Variants in PSPC1 observed in about 807,000 individuals in gnomAD.
PSPC1 encodes paraspeckle component 1.
Under a neutral mutation model 51.6 loss-of-function variants are expected in PSPC1, and 14 were observed. That is an observed-to-expected ratio of 0.27 (90% confidence interval 0.18 to 0.42). The LOEUF is 0.42. Among genes scored for constraint, PSPC1 ranks in the 10% least tolerant of loss-of-function variants. The pLI is 1.00. For synonymous variants in PSPC1, 193 were observed against 231.9 expected (o/e 0.83, Z 1.53); for missense variants, 406 against 701.1 (o/e 0.58, Z 4.75).
chr13:19,712,339 C>T (rs1305442908), intron 6 of PSPC1, among the ~76,000 whole-genome samples: 1 of 152,160 alleles, frequency 6.6e-6, no homozygotes, highest in African/African-American at 2.4e-5. Context: ...CTTATATACC[C>T]TAATACCTTA....
chr13:19,720,925 T>A (rs1451518784), intron 6 of PSPC1, among the ~76,000 whole-genome samples: 1 of 152,156 alleles, frequency 6.6e-6, no homozygotes, highest in Non-Finnish European at 1.5e-5. Flanking sequence ...CTTTGAAAGT[T>A]TATAATTATA....
intron 6 of PSPC1, among the ~76,000 whole-genome samples, chr13:19,716,664 T>C (rs1309155434): frequency 1.3e-5 from 2 of 152,162 alleles, no homozygotes; most frequent in African/African-American, 4.8e-5. Flanking sequence ...CTAAAAAATA[T>C]ATAATTCTAG....
chr13:19,699,210 T>A (rs1045274843), downstream of PSPC1, among the ~76,000 whole-genome samples: 1 of 151,956 alleles, frequency 6.6e-6, no homozygotes, highest in Non-Finnish European at 1.5e-5. Context: ...TTAAAATTTT[T>A]TTATTTTTTG....
intron 1 of PSPC1, among the ~76,000 whole-genome samples, chr13:19,776,183 A>G (rs1364366659): frequency 6.6e-6 from 1 of 152,148 alleles, no homozygotes; most frequent in African/African-American, 2.4e-5. Flanking sequence ...ACCAGTGGCT[A>G]GGCATGGTGG....
rs1890059275 is a variant in PSPC1, at chr13:19,782,280, G to A, written c.372+106C>T. On this transcript the variant is annotated intron_variant, in intron 1 of 8. Transcript: ENST00000338910. This position sits in a 1 kb window ranked among gnomAD's most constrained non-coding sequence, Gnocchi z 4.5. ...GATGAGGCCGAGCGGCGCCACGGTT[G>A]CCACAGGTTGAGACAGCGTCCTAGG... The A allele has an allele frequency of 9.9e-6, 14 of 1,419,938 alleles. No individual in the cohort carries two copies. Among genetic ancestry groups the A allele is most frequent in the Non-Finnish European group, 1.2e-5 (13 of 1,086,646 alleles). The allele number at this position is 1,419,938 out of a possible 1,614,324, so 88.0% of individuals were successfully genotyped here.
At chr13:19,716,546 T>G (rs982683472) in intron 6 of PSPC1, among the ~76,000 whole-genome samples, 3 of 152,194 alleles carry the variant, frequency 2.0e-5, no homozygotes, top group Non-Finnish European at 4.4e-5. Flanking sequence ...ACCTCTCATG[T>G]TTATCTCAAA....
intron 2 of PSPC1, among the ~76,000 whole-genome samples, chr13:19,765,469 A>C (rs901221326): frequency 5.3e-5 from 8 of 149,806 alleles, no homozygotes; most frequent in Non-Finnish European, 1.2e-4. Flanking sequence ...CAATAGATCC[A>C]TGTGGTAATT....
chr13:19,768,035 T>G (rs937803529), intron 2 of PSPC1, among the ~76,000 whole-genome samples: 1 of 151,778 alleles, frequency 6.6e-6, no homozygotes, highest in African/African-American at 2.4e-5. Context: ...CTGGGTGACA[T>G]AGCAAGACCT....
intron 2 of PSPC1, among the ~76,000 whole-genome samples, chr13:19,766,989 A>G (rs1428301139): frequency 6.6e-6 from 1 of 151,818 alleles, no homozygotes; most frequent in Non-Finnish European, 1.5e-5. Flanking sequence ...GCCTGGACAA[A>G]ATGACAAAAT....
Position 19,782,247 on chromosome 13 carries a change from G to C in PSPC1, c.372+139C>G. Reference sequence around the variant, plus strand: ...CTGGGGAAGCGGCCAACCCCGCACAGAGGAATCGATGAGGCCGAGCGGCGC... The same window carrying C: ...CTGGGGAAGCGGCCAACCCCGCACACAGGAATCGATGAGGCCGAGCGGCGC... On this transcript the variant is annotated intron_variant, in intron 1 of 8. Transcript: ENST00000338910. The surrounding 1 kb of genome is among the most constrained non-coding windows in gnomAD (Gnocchi z 4.5). The C allele has an allele frequency of 2.3e-6, 3 of 1,331,408 alleles. No individual in the cohort carries two copies. The highest frequency in any genetic ancestry group is 3.0e-6 in the Non-Finnish European group (3 of 1,011,672). The allele number at this position is 1,331,408 out of a possible 1,614,324, so 82.5% of individuals were successfully genotyped here. A position where few individuals can be genotyped will look rare whatever the true frequency, so the allele number is the denominator to read the frequency against.
chr13:19,779,667 C>T (rs1889668434), intron 1 of PSPC1, among the ~76,000 whole-genome samples: 3 of 82,852 alleles, frequency 3.6e-5, no homozygotes, highest in South Asian at 6.0e-4. Flanking sequence ...CCAGCCGCCC[C>T]GTCCGGGAGG....
rs67371116 is a variant in PSPC1, at chr13:19,754,453, CTT to C, written c.771-2988_771-2987del. ...ATAAAAGTGGGAATATAACTAACTCCTTTTTTTTTTTTTTTTTGAGACAGTCT... is the reference window on the plus strand; with the variant it reads ...ATAAAAGTGGGAATATAACTAACTCCTTTTTTTTTTTTTTTGAGACAGTCT... On this transcript the variant is annotated intron_variant, in intron 3 of 8. Transcript: ENST00000338910. 5.7e-3 allele frequency among the ~76,000 whole-genome samples: 704 copies of C among 122,498 alleles called. 7 individuals are homozygous for C. Among genetic ancestry groups the C allele is most frequent in the East Asian group, 0.043 (171 of 4,004 alleles). 80.4% of individuals were successfully genotyped at this position (122,498 alleles called of 152,430 possible).
At chr13:19,732,966 C>T (rs747776167) in intron 5 of PSPC1, among the ~76,000 whole-genome samples, 16 of 150,456 alleles carry the variant, frequency 1.1e-4, no homozygotes, top group Admixed American at 4.6e-4. Flanking sequence ...AAAACACCAA[C>T]TTTTTAGTCT....
At chr13:19,780,019 G>GC (rs1889749264) in intron 1 of PSPC1, among the ~76,000 whole-genome samples, 2 of 138,100 alleles carry the variant, frequency 1.4e-5, no homozygotes, top group Admixed American at 7.1e-5. Flanking sequence ...GGGGGGGTCA[G>GC]CCCCCCTGCC....
At chr13:19,677,915 A>G (rs905537240) in intron 6 of PSPC1, 10 of 444,842 alleles carry the variant, frequency 2.2e-5, no homozygotes, top group African/African-American at 8.1e-5. Flanking sequence ...TAGTAAATTC[A>G]TAACAGTAAT....
At chr13:19,758,982 A>C (rs1480022125) in intron 3 of PSPC1, among the ~76,000 whole-genome samples, 1 of 151,744 alleles carries the variant, frequency 6.6e-6, no homozygotes, top group Non-Finnish European at 1.5e-5. Context: ...TGTTTTACCC[A>C]TATAAAAAAA....
chr13:19,713,649 A>G (rs766191975), intron 6 of PSPC1, among the ~76,000 whole-genome samples: 1 of 151,892 alleles, frequency 6.6e-6, no homozygotes, highest in Admixed American at 6.6e-5. Context: ...CTTTCCATGG[A>G]AAGAATTATA....
rs566684719 is a variant in PSPC1, at chr13:19,732,656, G to A, written c.1053-2312C>T. On this transcript the variant is annotated intron_variant, in intron 5 of 8. Transcript: ENST00000338910. ...CATAGAAAAACTTTTGGCAGGGCGCGGTGGCTCACGCCTGTAATCCCACAC... is the reference window on the plus strand; with the variant it reads ...CATAGAAAAACTTTTGGCAGGGCGCAGTGGCTCACGCCTGTAATCCCACAC... 5.3e-5 allele frequency among the ~76,000 whole-genome samples: 8 copies of A among 152,078 alleles called. No individual in the cohort carries two copies. In the South Asian group the frequency reaches 6.2e-4, roughly 12 times the overall value.
chr13:19,782,414 C>T lies in PSPC1; in HGVS notation c.344G>A (p.Arg115Gln). Residue 115 changes from arginine (R) to glutamine (Q), a missense_variant, in exon 1 of 9, where the codon CGG becomes CAG. Physicochemically the swap from Arg to Gln is conservative, Grantham distance 43 (BLOSUM62 1). Around this residue, in one of 5 missense-constraint regions of PSPC1, gnomAD observed 180 missense variants for 337.9 expected, o/e 0.53. Transcript: ENST00000338910. The surrounding 1 kb of genome is among the most constrained non-coding windows in gnomAD (Gnocchi z 4.5). The stretch of plus-strand genomic sequence containing the variant: ...GCGGATGAAGCCGAAGCCACGGTCC[C>T]GGTTGATGAAGACTTCGCTGGGCTC... The part of the protein sequence containing the change: ...YGEPSEVFIN[R>Q]DRGFGFIRLE... The T allele has an allele frequency of 6.2e-7, 1 of 1,602,162 alleles. No individual in the cohort carries two copies. The highest frequency in any genetic ancestry group is 8.5e-7 in the Non-Finnish European group (1 of 1,174,044).
Sources: allele counts gnomAD v4.1 joint callset (sites outside exome capture counted in the v4.1 genomes callset), GRCh38; gene constraint gnomAD v4.1.1; regional missense constraint gnomAD v4.1.1; non-coding constraint Gnocchi (gnomAD v3.1); transcripts MANE v1.5; gene names NCBI Gene and HGNC (gene_info 2026-07-23, HGNC 2026-07-21).